The following ATP2B2 variants were observed in gnomAD, a reference collection of about 807,000 sequenced individuals.
ATP2B2 encodes plasma membrane calcium-transporting ATPase 2.
Under a neutral mutation model 120.0 loss-of-function variants are expected in ATP2B2, and 15 were observed. The observed-to-expected ratio is 0.12, with a 90% CI of 0.08 to 0.19. The LOEUF is 0.19. Among genes scored for constraint, ATP2B2 ranks in the 10% least tolerant of loss-of-function variants. The pLI, the probability that ATP2B2 is intolerant of heterozygous loss-of-function variation, is 1.00. For synonymous variants in ATP2B2, 694 were observed against 700.3 expected (o/e 0.99, Z 0.14); for missense variants, 1,045 against 1,719.8 (o/e 0.61, Z 6.94).
At chr3:10,658,777 C>T (rs1435163499) in intron 1 of ATP2B2, among the ~76,000 whole-genome samples, 1 of 151,934 alleles carries the variant, frequency 6.6e-6, no homozygotes, top group Non-Finnish European at 1.5e-5. Context: ...AGAGCAACTC[C>T]AAGACACATA....
intron 2 of ATP2B2, among the ~76,000 whole-genome samples, chr3:10,555,157 G>A (rs528020414): frequency 2.0e-5 from 3 of 152,308 alleles, no homozygotes; most frequent in African/African-American, 7.2e-5. Context: ...CACATCAAAC[G>A]GCAAGGATAA....
intron 2 of ATP2B2, among the ~76,000 whole-genome samples, chr3:10,568,635 C>T (rs904035460): frequency 6.6e-6 from 1 of 152,228 alleles, no homozygotes; most frequent in Non-Finnish European, 1.5e-5. Flanking sequence ...CTCAAGGCCT[C>T]AGGAAACCAC....
chr3:10,636,762 G>A (rs542091379), intron 1 of ATP2B2, among the ~76,000 whole-genome samples: 13 of 152,270 alleles, frequency 8.5e-5, no homozygotes, highest in African/African-American at 3.1e-4. Flanking sequence ...TACCCAGGTG[G>A]AGCCCGGTGG....
intron 1 of ATP2B2, among the ~76,000 whole-genome samples, chr3:10,638,150 C>T (rs2070073538): frequency 6.6e-6 from 1 of 152,082 alleles, no homozygotes; most frequent in African/African-American, 2.4e-5. Context: ...GCAAGTCTTT[C>T]AGACAAAAGG....
At chr3:10,488,492 TTCCTTCCTTC>T (rs1559402942) in intron 1 of ATP2B2, among the ~76,000 whole-genome samples, 17 of 105,114 alleles carry the variant, frequency 1.6e-4, no homozygotes, top group African/African-American at 6.2e-4. Flanking sequence ...CCTTCCTTCC[TTCCTTCCTTC>T]CTTCGTTCCT....
At chr3:10,530,349 G>A (rs2067185348) in intron 3 of ATP2B2, among the ~76,000 whole-genome samples, 1 of 152,244 alleles carries the variant, frequency 6.6e-6, no homozygotes. Context: ...AAACTGAGGT[G>A]AGAAGCACTT....
intron 2 of ATP2B2, among the ~76,000 whole-genome samples, chr3:10,550,714 A>G (rs1350640923): frequency 1.3e-5 from 2 of 151,774 alleles, no homozygotes; most frequent in Non-Finnish European, 2.9e-5. Flanking sequence ...AGCTTCACAC[A>G]CTCCTCTGAT....
intron 1 of ATP2B2, among the ~76,000 whole-genome samples, chr3:10,658,619 T>C (rs981213791): frequency 2.0e-5 from 3 of 152,094 alleles, no homozygotes; most frequent in Non-Finnish European, 4.4e-5. Flanking sequence ...TACATCTGAT[T>C]GGTGTACCTG....
At chr3:10,444,540 C>T (rs567681910) in intron 2 of ATP2B2, among the ~76,000 whole-genome samples, 6 of 152,326 alleles carry the variant, frequency 3.9e-5, no homozygotes, top group South Asian at 2.1e-4. Flanking sequence ...CAAAATTAAC[C>T]GGAGGTTCCG....
intron 4 of ATP2B2, among the ~76,000 whole-genome samples, chr3:10,401,366 G>T (rs1040024141): frequency 1.2e-4 from 19 of 152,178 alleles, no homozygotes; most frequent in Admixed American, 2.0e-4. Flanking sequence ...GCCTGAACTT[G>T]GAGTGCAGGT....
intron 1 of ATP2B2, among the ~76,000 whole-genome samples, chr3:10,483,403 A>C (rs1040138680): frequency 6.6e-6 from 1 of 152,062 alleles, no homozygotes; most frequent in Non-Finnish European, 1.5e-5. Context: ...ACTAATCCAC[A>C]TTTTTTGAAT....
chr3:10,430,011 A>G (rs1277736411), intron 2 of ATP2B2, among the ~76,000 whole-genome samples: 1 of 152,190 alleles, frequency 6.6e-6, no homozygotes, highest in Non-Finnish European at 1.5e-5. Context: ...GCAGAAGAAA[A>G]GTTGGAAGCT....
At chr3:10,590,914 AC>A (rs897366965) in intron 2 of ATP2B2, among the ~76,000 whole-genome samples, 15 of 152,030 alleles carry the variant, frequency 9.9e-5, no homozygotes, top group African/African-American at 3.6e-4. Flanking sequence ...CCCACACTTT[AC>A]AAGCTGGGGA....
intron 2 of ATP2B2, among the ~76,000 whole-genome samples, chr3:10,439,183 G>A (rs1441885689): frequency 1.3e-5 from 2 of 152,234 alleles, no homozygotes; most frequent in African/African-American, 2.4e-5. Flanking sequence ...GCCACCCTTT[G>A]ACCCATCTGA....
chr3:10,393,700 G>C (rs2061934006), intron 5 of ATP2B2, among the ~76,000 whole-genome samples: 1 of 152,238 alleles, frequency 6.6e-6, no homozygotes, highest in Admixed American at 6.5e-5. Flanking sequence ...GGGAGCCCAG[G>C]CTCAGGGAAC....
chr3:10,342,733 G>A lies in ATP2B2; in HGVS notation c.2917+19C>T, dbSNP rs1175054512. On this transcript the variant is annotated intron_variant, in intron 19 of 22. Transcript: ENST00000360273. The surrounding 1 kb of genome is among the most constrained non-coding windows in gnomAD (Gnocchi z 4.4). The stretch of plus-strand genomic sequence containing the variant: ...TGATGACCCCGCCTGGGAGAGGCGT[G>A]GGTGGGCGAGGCGCTCACCAACAAA... 8.7e-6 allele frequency: 14 copies of A among 1,613,222 alleles called. No individual in the cohort carries two copies. The highest frequency in any genetic ancestry group is 1.1e-5 in the Non-Finnish European group (13 of 1,179,402).
chr3:10,638,132 AC>A (rs1265760362), intron 1 of ATP2B2, among the ~76,000 whole-genome samples: 1 of 152,244 alleles, frequency 6.6e-6, no homozygotes, highest in Non-Finnish European at 1.5e-5. Context: ...ACTATAAGAA[AC>A]GTTAAAGCAA....
At chr3:10,436,334 T>C (rs936948839) in intron 2 of ATP2B2, among the ~76,000 whole-genome samples, 2 of 152,348 alleles carry the variant, frequency 1.3e-5, no homozygotes, top group Middle Eastern at 3.4e-3. Flanking sequence ...GTCTATTGTA[T>C]CTGCATGGTA....
chr3:10,604,195 T>C (rs1299343500), intron 2 of ATP2B2, among the ~76,000 whole-genome samples: 1 of 152,062 alleles, frequency 6.6e-6, no homozygotes, highest in East Asian at 1.9e-4. Flanking sequence ...ATTTGACCCT[T>C]CTAGGATCTC....
Sources: gnomAD v4.1 joint callset for allele counts (sites outside exome capture counted in the v4.1 genomes callset) on GRCh38, gnomAD v4.1.1 for gene constraint, Gnocchi (gnomAD v3.1) non-coding constraint, MANE v1.5 for transcripts, NCBI Gene and HGNC (gene_info 2026-07-23, HGNC 2026-07-21) for gene names.